The following ASAP1 variants were observed in gnomAD, a reference collection of about 807,000 sequenced individuals.
ASAP1 encodes ArfGAP with SH3 domain, ankyrin repeat and PH domain 1.
ASAP1 carries 43 observed loss-of-function variants against 145.2 expected under a neutral mutation model. That is an observed-to-expected ratio of 0.30 (90% CI 0.23 to 0.38). The LOEUF is 0.38. Ranked by LOEUF, ASAP1 falls within the 10% of genes least tolerant of loss-of-function variation. The pLI is 1.00. For synonymous variants in ASAP1, 546 were observed against 515.5 expected, an observed-to-expected ratio of 1.06 and a Z score of -0.80; for missense variants, 1,018 against 1,355.3, an observed-to-expected ratio of 0.75 and a Z score of 3.91.
intron 5 of ASAP1, among the ~76,000 whole-genome samples, chr8:130,210,062 G>C (rs1247169529): frequency 6.6e-6 from 1 of 152,134 alleles, no homozygotes; most frequent in African/African-American, 2.4e-5. Context: ...GACTACTTAT[G>C]AAGTTTTTAT....
At chr8:130,243,822 C>T (rs1818689617) in intron 3 of ASAP1, among the ~76,000 whole-genome samples, 1 of 152,118 alleles carries the variant, frequency 6.6e-6, no homozygotes, top group Non-Finnish European at 1.5e-5. Flanking sequence ...TCATTACCCT[C>T]TCTTACTTCC....
intron 7 of ASAP1, among the ~76,000 whole-genome samples, chr8:130,186,316 T>C (rs1432456167): frequency 6.6e-6 from 1 of 152,216 alleles, no homozygotes; most frequent in Non-Finnish European, 1.5e-5. Context: ...ATTACAAAAG[T>C]AGTTTGGGAA....
intron 3 of ASAP1, among the ~76,000 whole-genome samples, chr8:130,303,050 T>G (rs1420170403): frequency 6.6e-6 from 1 of 152,194 alleles, no homozygotes; most frequent in Non-Finnish European, 1.5e-5. Context: ...AATCCATACC[T>G]AAGGCAGAAG....
intron 3 of ASAP1, among the ~76,000 whole-genome samples, chr8:130,249,923 T>C (rs930114299): frequency 6.6e-6 from 1 of 152,158 alleles, no homozygotes; most frequent in Admixed American, 6.5e-5. Context: ...CAGTCTCTTC[T>C]GGCTCTGATT....
In ASAP1 at chr8:130,057,847, G is replaced by C. The variant is rs142123697; in HGVS notation, c.3315+107C>G. 7,704 of 1,419,392 alleles carry C rather than the reference G, an allele frequency of 5.4e-3. 29 individuals carry two copies. Among genetic ancestry groups the C allele is most frequent in the Non-Finnish European group, 6.7e-3 (6,915 of 1,030,790 alleles). The allele number at this position is 1,419,392 out of a possible 1,614,324, so 87.9% of individuals were successfully genotyped here. A position where few individuals can be genotyped will look rare whatever the true frequency, so the allele number is the denominator to read the frequency against. ...GAGTGATGCAGCTGACAGGGTCCTT[G>C]TGCTCAAGAGCCCTCTTTTACTGCA... On this transcript the variant is annotated intron_variant, in intron 29 of 29. Coordinates refer to ENST00000518721, the MANE Select transcript of ASAP1 (RefSeq NM_018482.4).
chr8:130,402,919 GGT>G (rs764663483), intron 1 of ASAP1, among the ~76,000 whole-genome samples: 6,371 of 148,308 alleles, frequency 0.043, 152 homozygotes, highest in Middle Eastern at 0.078. Context: ...TCTTTTGTGG[GGT>G]TTTTTTTTTT....
At chr8:130,330,316 A>T (rs1824600864) in intron 3 of ASAP1, among the ~76,000 whole-genome samples, 1 of 152,132 alleles carries the variant, frequency 6.6e-6, no homozygotes, top group African/African-American at 2.4e-5. Context: ...TGTTCTACCC[A>T]TCTATTCCTC....
At chr8:130,137,758 T>C (rs759906967) in intron 13 of ASAP1, among the ~76,000 whole-genome samples, 3 of 152,184 alleles carry the variant, frequency 2.0e-5, no homozygotes, top group Admixed American at 6.5e-5. Flanking sequence ...GTCACACATA[T>C]AAAACAGACC....
intron 1 of ASAP1, among the ~76,000 whole-genome samples, chr8:130,441,975 A>G (rs1830502719): frequency 6.6e-6 from 1 of 152,184 alleles, no homozygotes; most frequent in South Asian, 2.1e-4. Context: ...ATTTTGCACA[A>G]AAGAATGGGA....
chr8:130,423,126 CAG>C (rs1436242684), intron 1 of ASAP1, among the ~76,000 whole-genome samples: 3 of 151,944 alleles, frequency 2.0e-5, no homozygotes, highest in Non-Finnish European at 2.9e-5. Flanking sequence ...TTTTTTGAGA[CAG>C]AGTCTCGCTC....
intron 3 of ASAP1, among the ~76,000 whole-genome samples, chr8:130,286,598 G>A (rs550127568): frequency 7.9e-5 from 12 of 152,204 alleles, no homozygotes; most frequent in Middle Eastern, 3.4e-3. Flanking sequence ...TGAGCTTTGC[G>A]GTGAGGGTTT....
chr8:130,070,163 A>AGT (rs1394086542), intron 27 of ASAP1, among the ~76,000 whole-genome samples: 1 of 151,916 alleles, frequency 6.6e-6, no homozygotes, highest in African/African-American at 2.4e-5. Context: ...CAGCCTCCTG[A>AGT]GTAGCTGGGA....
chr8:130,061,122 T>G (rs2097418643), intron 27 of ASAP1, 53 bp from the exon 28 acceptor site: 1 of 1,515,652 alleles, frequency 6.6e-7, no homozygotes, highest in Non-Finnish European at 8.8e-7. Context: ...GCTGCTTTCC[T>G]GTCAGTCACC....
chr8:130,205,382 G>GA (rs771590453), intron 5 of ASAP1, among the ~76,000 whole-genome samples: 2,819 of 56,912 alleles, frequency 0.05, 42 homozygotes, highest in African/African-American at 0.08. Context: ...ATCCTTATAA[G>GA]AAAAAAAAAA....
At chr8:130,416,127 C>G (rs1345777692) in intron 1 of ASAP1, among the ~76,000 whole-genome samples, 1 of 152,154 alleles carries the variant, frequency 6.6e-6, no homozygotes, top group Non-Finnish European at 1.5e-5. Context: ...GGATGCTAAG[C>G]CTGGATGCAG....
At chr8:130,152,558 A>G (rs1184130421) in intron 13 of ASAP1, 178 bp downstream of exon 13, 2 of 418,110 alleles carry the variant, frequency 4.8e-6, no homozygotes, top group Non-Finnish European at 8.5e-6. Flanking sequence ...GATGCCAAAG[A>G]ATGGTGCAGA....
chr8:130,266,331 CAGGG>C (rs1288066703), intron 3 of ASAP1, among the ~76,000 whole-genome samples: 1 of 152,068 alleles, frequency 6.6e-6, no homozygotes, highest in Non-Finnish European at 1.5e-5. Context: ...TTGTATACAA[CAGGG>C]GTCTAGACAT....
At chr8:130,411,611 C>T (rs1829268486) in intron 1 of ASAP1, among the ~76,000 whole-genome samples, 2 of 152,112 alleles carry the variant, frequency 1.3e-5, no homozygotes, top group South Asian at 4.1e-4. Flanking sequence ...CACCCTAAGA[C>T]AGGGATGATG....
Position 130,358,776 on chromosome 8 carries a change from C to T in ASAP1, c.60-633G>A, listed in dbSNP as rs1044205639. On this transcript the variant is annotated intron_variant, in intron 2 of 29. Coordinates refer to ENST00000518721, the MANE Select transcript of ASAP1 (RefSeq NM_018482.4). The surrounding 1 kb of genome is among the most constrained non-coding windows in gnomAD (Gnocchi z 4.1). ...CGCCCCGCCCCCGCTCGCGCACAGC[C>T]CCTGGGGCCTGGCTCCGAAGCTGCC... 3.4e-5 allele frequency among the ~76,000 whole-genome samples: 5 copies of T among 147,582 alleles called. No homozygotes were observed. The highest frequency in any genetic ancestry group is 1.3e-4 in the Admixed American group (2 of 14,904).
Sources: gnomAD v4.1 joint callset for allele counts (sites outside exome capture counted in the v4.1 genomes callset) on GRCh38, gnomAD v4.1.1 for gene constraint, Gnocchi (gnomAD v3.1) non-coding constraint, MANE v1.5 for transcripts, NCBI Gene and HGNC (gene_info 2026-07-23, HGNC 2026-07-21) for gene names.